CST1: variants seen among roughly 807,000 people sequenced by gnomAD.
CST1 encodes cystatin SN, also known as cystatin-SN.
A neutral mutation model predicts 10.7 loss-of-function variants in CST1; 19 were observed. The observed-to-expected ratio is 1.78, with a 90% CI of 1.24 to 2.61. CST1 has a LOEUF of 2.61. Ranked by LOEUF, CST1 falls within the 30% of genes most tolerant of loss-of-function variation. The pLI is 0.00. For synonymous variants in CST1, 95 were observed against 72.8 expected (o/e 1.31, Z -1.55); for missense variants, 247 against 178.1 (o/e 1.39, Z -2.20).
chr20:23,749,773 T>A (rs1042901550), intron 1 of CST1, among the ~76,000 whole-genome samples: 1 of 151,326 alleles, frequency 6.6e-6, no homozygotes, highest in African/African-American at 2.4e-5. Context: ...CTGGGCCTGA[T>A]GGTCTGCAAT....
Position 23,750,645 on chromosome 20 carries a change from C to T in CST1, c.222G>A (p.Arg74=). 4 of 1,613,752 alleles carry T rather than the reference C, an allele frequency of 2.5e-6. No homozygotes were observed. Among genetic ancestry groups the T allele is most frequent in the Non-Finnish European group, 3.4e-6 (4 of 1,179,974 alleles). The change falls in exon 1 of 3, where the codon AGG becomes AGA. Residue 74 remains arginine (R), a synonymous_variant. Transcript: ENST00000304749. ...GGGTGGAGGGAGCACCTACCTGTTG[C>T]CTGGCTCTTAGTACCCGCAGCGGAC... is the stretch of plus-strand genomic sequence containing the variant. ...YRRPLRVLRA[R]QQTVGGVNYF...
At chr20:23,748,541 G>A (rs528412528) in intron 2 of CST1, among the ~76,000 whole-genome samples, 9 of 152,064 alleles carry the variant, frequency 5.9e-5, no homozygotes, top group South Asian at 2.1e-4. Flanking sequence ...GCACACAGCC[G>A]CACAGCTGCT....
Position 23,747,807 on chromosome 20 carries a change from C to T in CST1, c.*9G>A. 8 of 1,613,384 alleles carry T rather than the reference C, an allele frequency of 5.0e-6. No individual in the cohort carries two copies. Among genetic ancestry groups the T allele is most frequent in the Non-Finnish European group, 6.8e-6 (8 of 1,179,418 alleles). On this transcript the variant is annotated 3_prime_UTR_variant, in exon 3 of 3. Coordinates refer to ENST00000304749, the MANE Select transcript of CST1 (RefSeq NM_001898.3). ...GTGGTGGCTGGTGCGAATGGCCTGGCACAGATCCCTAGGATTCTTGACACC... is the reference window on the plus strand; with the variant it reads ...GTGGTGGCTGGTGCGAATGGCCTGGTACAGATCCCTAGGATTCTTGACACC...
Position 23,749,049 on chromosome 20 carries a change from G to C in CST1, c.309C>G (p.Thr103=). 1 of 1,614,188 alleles carries C rather than the reference G, an allele frequency of 6.2e-7. No individual in the cohort carries two copies. The highest frequency in any genetic ancestry group is 8.5e-7 in the Non-Finnish European group (1 of 1,180,042). ...ICTKSQPNLD[T]CAFHEQPELQ... The stretch of plus-strand genomic sequence containing the variant: ...GTTCTGGCTGTTCATGGAAGGCACA[G>C]GTGTCCAAGTTGGGCTGGGACTTGG... Residue 103 remains threonine, a synonymous_variant, in exon 2 of 3, where the codon ACC becomes ACG. Transcript: ENST00000304749.
At position 23,748,972 on chromosome 20, in the gene CST1, C is replaced by T. The variant is rs772050680; in HGVS notation, c.342+44G>A. On this transcript the variant is annotated intron_variant, in intron 2 of 2. Transcript: ENST00000304749. ...GGCAGAGGCTGACACATACGCACCC[C>T]TCTGCAGTGCATGACTGGCCCGGGA... The T allele has an allele frequency of 1.2e-5, 19 of 1,612,160 alleles. No individual in the cohort carries two copies. The East Asian group carries it at 4.0e-4, about 34-fold the overall frequency.
Position 23,750,722 on chromosome 20 carries a change from G to A in CST1, c.145C>T (p.His49Tyr), listed in dbSNP as rs1422462370. The A allele has an allele frequency of 3.1e-6, 5 of 1,614,136 alleles. No homozygotes were observed. The highest frequency in any genetic ancestry group is 4.2e-6 in the Non-Finnish European group (5 of 1,180,012). The change falls in exon 1 of 3, where the codon CAC becomes TAC. Residue 49 changes from histidine (H) to tyrosine (Y), a missense_variant. Physicochemically the swap from His to Tyr is moderately conservative, Grantham distance 83 (BLOSUM62 2). Transcript: ENST00000304749. Reference sequence around the variant, plus strand: ...TTGTTATACTCGCTGATGGCGAAGTGAAGGGCACGCTGTACCCACTCATCA... The same window carrying A: ...TTGTTATACTCGCTGATGGCGAAGTAAAGGGCACGCTGTACCCACTCATCA... Reference protein sequence around the residue: ...LNDEWVQRALHFAISEYNKAT... With the variant: ...LNDEWVQRALYFAISEYNKAT...
chr20:23,748,736 G>C (rs1359518889), intron 2 of CST1, among the ~76,000 whole-genome samples: 3 of 151,556 alleles, frequency 2.0e-5, no homozygotes, highest in South Asian at 2.1e-4. Flanking sequence ...TATGTACAAA[G>C]CCCCATACAC....
intron 1 of CST1, 102 bp downstream of exon 1, chr20:23,750,537 A>T: frequency 9.5e-7 from 1 of 1,051,800 alleles, no homozygotes; most frequent in South Asian, 1.5e-5. Context: ...TCTGAGCATT[A>T]GATCATGAAT....
Position 23,749,018 on chromosome 20 carries a change from T to C in CST1, c.340A>G (p.Lys114Glu). The change falls in exon 2 of 3, where the codon AAG (lysine) becomes GAG (glutamate). Residue 114 changes from lysine to glutamate, a missense_variant and splice_region_variant. Lys to Glu is a moderately conservative substitution (Grantham distance 56, BLOSUM62 1). Transcript: ENST00000304749. ...CGGGACCTGCATCAGGAACGTACCT[T>C]CTGCAGTTCTGGCTGTTCATGGAAG... ...CAFHEQPELQ[K>E]KQLCSFEIYE... 6.2e-7 allele frequency: 1 copy of C among 1,614,172 alleles called. No individual in the cohort carries two copies. Among genetic ancestry groups the C allele is most frequent in the Non-Finnish European group, 8.5e-7 (1 of 1,180,020 alleles).
intron 1 of CST1, among the ~76,000 whole-genome samples, chr20:23,750,379 T>G (rs1982796273): frequency 6.6e-6 from 1 of 152,094 alleles, no homozygotes. Flanking sequence ...ACAGTCTCCA[T>G]CCACACCTGC....
intron 2 of CST1, 34 bp downstream of exon 2, chr20:23,748,982 C>T: frequency 1.2e-6 from 2 of 1,613,726 alleles, no homozygotes; most frequent in Non-Finnish European, 1.7e-6. Context: ...CTCTGCAGTG[C>T]ATGACTGGCC....
intron 1 of CST1, 112 bp downstream of exon 1, chr20:23,750,527 T>C (rs1982801652): frequency 1.0e-6 from 1 of 997,244 alleles, no homozygotes. Flanking sequence ...GCTGAATGAA[T>C]CTGAGCATTA....
intron 2 of CST1, among the ~76,000 whole-genome samples, chr20:23,748,377 G>T (rs1982729486): frequency 6.6e-6 from 1 of 152,164 alleles, no homozygotes; most frequent in South Asian, 2.1e-4. Context: ...ACAAGAACCA[G>T]CAGGTCCTTG....
chr20:23,750,798 G>T lies in CST1; in HGVS notation c.69C>A (p.Pro23=). The T allele has an allele frequency of 6.2e-7, 1 of 1,614,054 alleles. No homozygotes were observed. The highest frequency in any genetic ancestry group is 8.5e-7 in the Non-Finnish European group (1 of 1,179,992). ...ATLAVALAWS[P]KEEDRIIPGG... is the part of the protein sequence containing the mutation. ...CCGGGATTATCCTATCCTCCTCCTTGGGGCTCCAGGCCAGGGCCACAGCTA... is the reference window on the plus strand; with the variant it reads ...CCGGGATTATCCTATCCTCCTCCTTTGGGCTCCAGGCCAGGGCCACAGCTA... Residue 23 remains proline, a synonymous_variant, in exon 1 of 3, where the codon CCC becomes CCA. Transcript: ENST00000304749.
chr20:23,749,378 G>A (rs1982768015), intron 1 of CST1, among the ~76,000 whole-genome samples: 2 of 152,208 alleles, frequency 1.3e-5, no homozygotes, highest in Non-Finnish European at 2.9e-5. Flanking sequence ...AGGGGCGAGG[G>A]AACACTGACT....
chr20:23,747,933 G>A (rs890053238), intron 2 of CST1, 34 bp from the exon 3 acceptor site: 1 of 1,590,274 alleles, frequency 6.3e-7, no homozygotes, highest in Non-Finnish European at 8.6e-7. Flanking sequence ...CAATCAGTGT[G>A]GGTTACAGTT....
Position 23,747,850 on chromosome 20 carries a change from C to T in CST1, c.392G>A (p.Arg131Lys), listed in dbSNP as rs3188320. The T allele has an allele frequency of 1.9e-6, 3 of 1,614,004 alleles. No individual in the cohort carries two copies. The highest frequency in any genetic ancestry group is 2.2e-5 in the South Asian group (2 of 91,076). Reference sequence around the variant, plus strand: ...TTGACACCTGGATTTCACCAGGGACCTTCTGTTCTCCCAGGGAACTTCGTA... The same window carrying T: ...TTGACACCTGGATTTCACCAGGGACTTTCTGTTCTCCCAGGGAACTTCGTA... Reference protein sequence around the residue: ...EIYEVPWENRRSLVKSRCQES With the variant: ...EIYEVPWENRKSLVKSRCQES The change falls in exon 3 of 3, where the codon AGG becomes AAG. Residue 131 changes from arginine (R) to lysine (K), a missense_variant. Coordinates refer to ENST00000304749, the MANE Select transcript of CST1 (RefSeq NM_001898.3).
chr20:23,748,233 C>A (rs1457225277), intron 2 of CST1, among the ~76,000 whole-genome samples: 1 of 152,076 alleles, frequency 6.6e-6, no homozygotes, highest in Non-Finnish European at 1.5e-5. Flanking sequence ...CAGCTCCTTC[C>A]ACCTCCAGCA....
In CST1 at chr20:23,750,716, C is replaced by A. The variant is rs763214720; in HGVS notation, c.151G>T (p.Ala51Ser). The A allele has an allele frequency of 1.9e-6, 3 of 1,613,962 alleles. No homozygotes were observed. The highest frequency in any genetic ancestry group is 8.5e-7 in the Non-Finnish European group (1 of 1,180,022). The stretch of plus-strand genomic sequence containing the variant: ...GTGGCCTTGTTATACTCGCTGATGG[C>A]GAAGTGAAGGGCACGCTGTACCCAC... ...DEWVQRALHF[A>S]ISEYNKATKD... The change falls in exon 1 of 3, where the codon GCC (alanine) becomes TCC (serine). Residue 51 changes from alanine (A) to serine (S), a missense_variant. Ala to Ser is a moderately conservative substitution (Grantham distance 99). Coordinates refer to ENST00000304749, the MANE Select transcript of CST1 (RefSeq NM_001898.3).
Sources: allele counts gnomAD v4.1 joint callset (sites outside exome capture counted in the v4.1 genomes callset), GRCh38; gene constraint gnomAD v4.1.1; transcripts MANE v1.5; gene names NCBI Gene and HGNC (gene_info 2026-07-23, HGNC 2026-07-21).